The following CSGALNACT1 variants were observed in gnomAD, a reference collection of about 807,000 sequenced individuals.
CSGALNACT1 encodes the protein beta4GalNAcT-1.
A neutral mutation model predicts 51.0 loss-of-function variants in CSGALNACT1; 52 were observed. The ratio of observed to expected loss-of-function variants is 1.02; its 90% CI spans 0.82 to 1.29. The LOEUF (loss-of-function observed/expected upper bound fraction) is 1.29. Ranked by LOEUF, CSGALNACT1 falls within the 50% of genes most tolerant of loss-of-function variation. CSGALNACT1 has a pLI of 0.00. For missense variants in CSGALNACT1, 935 were observed against 679.2 expected, an observed-to-expected ratio of 1.38 and a Z score of -4.19; for synonymous variants, 341 against 254.4, an observed-to-expected ratio of 1.34 and a Z score of -3.24.
At chr8:19,501,949 A>C (rs2076498136) in intron 4 of CSGALNACT1, among the ~76,000 whole-genome samples, 1 of 152,262 alleles carries the variant, frequency 6.6e-6, no homozygotes, top group African/African-American at 2.4e-5. Context: ...CACAAAAATC[A>C]GTGCCAATGG....
chr8:19,455,320 G>T (rs1176822836), intron 5 of CSGALNACT1, among the ~76,000 whole-genome samples: 3 of 152,120 alleles, frequency 2.0e-5, no homozygotes, highest in African/African-American at 7.2e-5. Context: ...GGCAAAAAAG[G>T]AAATACAAAT....
chr8:19,486,898 T>G (rs762732226), intron 4 of CSGALNACT1, among the ~76,000 whole-genome samples: 1 of 152,130 alleles, frequency 6.6e-6, no homozygotes, highest in Non-Finnish European at 1.5e-5. Context: ...TGGCGCACAG[T>G]AGCTGCCCAA....
chr8:19,624,815 A>G (rs947904516), intron 1 of CSGALNACT1, among the ~76,000 whole-genome samples: 7 of 152,106 alleles, frequency 4.6e-5, no homozygotes, highest in Non-Finnish European at 8.8e-5. Context: ...AGTAGCTGGC[A>G]TTATAGGCAT....
chr8:19,558,862 T>C (rs1378260503), intron 3 of CSGALNACT1, among the ~76,000 whole-genome samples: 1 of 152,208 alleles, frequency 6.6e-6, no homozygotes, highest in Non-Finnish European at 1.5e-5. Context: ...GAAGATATTT[T>C]GCAAAGAGGT....
chr8:19,480,362 G>A (rs1020908069), intron 4 of CSGALNACT1, among the ~76,000 whole-genome samples: 3 of 152,296 alleles, frequency 2.0e-5, no homozygotes, highest in East Asian at 3.9e-4. Context: ...AGAACACGCA[G>A]TATTTGGTCT....
rs1027921126 is a variant in CSGALNACT1 at position 19,756,513 on chromosome 8, G to A, written c.-297+1337C>T. Among the ~76,000 whole-genome samples the A allele has an allele frequency of 1.1e-4, 16 of 152,084 alleles. No homozygotes were observed. The East Asian group carries it at 1.4e-3, about 13-fold the overall frequency. The stretch of plus-strand genomic sequence containing the variant: ...ACAGGAATGCAGGTGCAGGAAGTGC[G>A]ACGGAAACAAACAACTTTGCCTCCG... On this transcript the variant is annotated intron_variant, in intron 1 of 1. Coordinates refer to the CSGALNACT1 transcript ENST00000517494.
chr8:19,525,067 T>G (rs1024886111), intron 3 of CSGALNACT1, among the ~76,000 whole-genome samples: 1 of 152,224 alleles, frequency 6.6e-6, no homozygotes, highest in Admixed American at 6.5e-5. Context: ...CTGTTACATC[T>G]TTATTTCCAG....
intron 3 of CSGALNACT1, among the ~76,000 whole-genome samples, chr8:19,573,695 C>T (rs1369501710): frequency 2.6e-5 from 4 of 152,222 alleles, no homozygotes; most frequent in South Asian, 2.1e-4. Flanking sequence ...CTGCCCACCT[C>T]GGCCTCCCAT....
At position 19,721,961 on chromosome 8, in the gene CSGALNACT1, C is replaced by T. The variant is rs191481115; in HGVS notation, c.-297+35889G>A. Among the ~76,000 whole-genome samples the T allele has an allele frequency of 4.0e-3, 603 of 152,166 alleles. 12 individuals carry two copies. Among genetic ancestry groups the T allele is most frequent in the Admixed American group, 0.035 (528 of 15,282 alleles). On this transcript the variant is annotated intron_variant, in intron 1 of 1. Coordinates refer to the CSGALNACT1 transcript ENST00000517494. ...AATCTAAAATGTTGCTACAGTAAAA[C>T]ATTTACTGTGTCAGCTCCCAATACC...
intron 3 of CSGALNACT1, among the ~76,000 whole-genome samples, chr8:19,546,760 G>A (rs1346261756): frequency 6.6e-6 from 1 of 152,172 alleles, no homozygotes; most frequent in African/African-American, 2.4e-5. Context: ...TCCAAACTCA[G>A]ATGAAACCTA....
intron 4 of CSGALNACT1, among the ~76,000 whole-genome samples, chr8:19,461,938 G>A (rs1385830455): frequency 1.3e-5 from 2 of 151,616 alleles, no homozygotes; most frequent in African/African-American, 4.8e-5. Flanking sequence ...AATCACAGAG[G>A]GCGCATCTGC....
intron 3 of CSGALNACT1, among the ~76,000 whole-genome samples, chr8:19,512,725 A>G (rs918696802): frequency 5.3e-5 from 8 of 152,206 alleles, no homozygotes; most frequent in African/African-American, 1.4e-4. Context: ...ACTCAAACCC[A>G]TCTTTGACTT....
At chr8:19,692,089 C>A (rs1307887497) in intron 1 of CSGALNACT1, among the ~76,000 whole-genome samples, 2 of 152,044 alleles carry the variant, frequency 1.3e-5, no homozygotes, top group South Asian at 2.1e-4. Context: ...CCTTGGAAAA[C>A]CATCAGATAT....
intron 1 of CSGALNACT1, among the ~76,000 whole-genome samples, chr8:19,745,174 C>T (rs959959453): frequency 8.5e-5 from 13 of 152,310 alleles, no homozygotes; most frequent in African/African-American, 3.1e-4. Flanking sequence ...AAATAAAATA[C>T]TTCAAATAGG....
chr8:19,693,144 T>C (rs2061415032), intron 1 of CSGALNACT1, among the ~76,000 whole-genome samples: 1 of 152,120 alleles, frequency 6.6e-6, no homozygotes, highest in Non-Finnish European at 1.5e-5. Context: ...TCCAGGCTTA[T>C]TTGCCAACTG....
intron 6 of CSGALNACT1, among the ~76,000 whole-genome samples, chr8:19,429,242 T>A (rs1441817175): frequency 6.6e-6 from 1 of 152,220 alleles, no homozygotes; most frequent in Non-Finnish European, 1.5e-5. Context: ...AGTGGTGCAA[T>A]CTTGGTTCAC....
rs1174721691 is a variant in CSGALNACT1, at chr8:19,405,105, G to C, written c.*675C>G. 3 of 453,434 alleles carry C rather than the reference G, an allele frequency of 6.6e-6. No homozygotes were observed. The Admixed American group carries it at 7.1e-5, about 11-fold the overall frequency. The allele number at this position is 453,434 out of a possible 1,614,324, so 28.1% of individuals were successfully genotyped here. A position where few individuals can be genotyped will look rare whatever the true frequency, so the allele number is the denominator to read the frequency against. On this transcript the variant is annotated 3_prime_UTR_variant, in exon 10 of 10. Coordinates refer to ENST00000454498, the Ensembl canonical transcript of CSGALNACT1. ...TGTGCTCTCTTGTAAGGCTTGCAAAGTGGTAATTAAATAAGCAGACTATAA... is the reference window on the plus strand; with the variant it reads ...TGTGCTCTCTTGTAAGGCTTGCAAACTGGTAATTAAATAAGCAGACTATAA...
At chr8:19,438,456 T>C (rs2060758708) in intron 6 of CSGALNACT1, among the ~76,000 whole-genome samples, 1 of 152,240 alleles carries the variant, frequency 6.6e-6, no homozygotes, top group East Asian at 1.9e-4. Context: ...AATTTCTATG[T>C]CACCTGCATT....
At chr8:19,612,937 A>G (rs2052472241) in intron 1 of CSGALNACT1, among the ~76,000 whole-genome samples, 2 of 141,170 alleles carry the variant, frequency 1.4e-5, no homozygotes, top group Non-Finnish European at 1.5e-5. Flanking sequence ...AAGAGAGGAA[A>G]AGCAGCTGGA....
Sources: gnomAD v4.1 joint callset for allele counts (sites outside exome capture counted in the v4.1 genomes callset) on GRCh38, gnomAD v4.1.1 for gene constraint, MANE v1.5 for transcripts, NCBI Gene and HGNC (gene_info 2026-07-23, HGNC 2026-07-21) for gene names.